CDON: variants seen among roughly 807,000 people sequenced by gnomAD.
CDON encodes the protein cell adhesion molecule-related/down-regulated by oncogenes.
Under a neutral mutation model 120.9 loss-of-function variants are expected in CDON, and 73 were observed. That is an observed-to-expected ratio of 0.60 (90% CI 0.50 to 0.73). CDON has a LOEUF of 0.73. Among genes scored for constraint, CDON ranks in the 30% least tolerant of loss-of-function variants. The probability of loss-of-function intolerance (pLI) is 0.00; values close to 1 mark genes in which losing one functional copy is unlikely to be tolerated. For missense variants in CDON, 1,470 were observed against 1,587.3 expected (o/e 0.93, Z 1.26); for synonymous variants, 566 against 573.5 (o/e 0.99, Z 0.19).
At chr11:126,043,898 T>C (rs1170176059) in intron 1 of CDON, among the ~76,000 whole-genome samples, 1 of 152,254 alleles carries the variant, frequency 6.6e-6, no homozygotes, top group Non-Finnish European at 1.5e-5. Context: ...TATGCATTGC[T>C]GATCAATAAA....
intron 1 of CDON, among the ~76,000 whole-genome samples, chr11:126,048,291 A>AAAAAAG (rs1302911166): frequency 1.3e-5 from 2 of 151,856 alleles, no homozygotes; most frequent in Non-Finnish European, 2.9e-5. Flanking sequence ...TCAAAAAAAA[A>AAAAAAG]AAAAAGAAAA....
intron 11 of CDON, among the ~76,000 whole-genome samples, chr11:125,999,519 T>C (rs1464620518): frequency 7.9e-5 from 12 of 152,362 alleles, no homozygotes; most frequent in Admixed American, 5.9e-4. Context: ...TTGTTTTGAA[T>C]ATTAAATAAA....
intron 1 of CDON, among the ~76,000 whole-genome samples, chr11:126,058,446 C>G (rs1351508047): frequency 6.6e-6 from 1 of 152,112 alleles, no homozygotes; most frequent in Admixed American, 6.5e-5. Flanking sequence ...AGGAGAAATG[C>G]CCAGGATTAA....
chr11:126,013,576 A>AT (rs1394498539), intron 7 of CDON, among the ~76,000 whole-genome samples: 3 of 152,008 alleles, frequency 2.0e-5, no homozygotes, highest in Non-Finnish European at 4.4e-5. Context: ...CTTTATTATA[A>AT]TTTTTTGTCA....
chr11:125,991,656 TA>T (rs754188695), intron 14 of CDON, among the ~76,000 whole-genome samples: 5,203 of 145,278 alleles, frequency 0.036, 94 homozygotes, highest in Middle Eastern at 0.05. Context: ...ATCTAAAACT[TA>T]AAAAAAAAAA....
At chr11:126,053,145 C>T (rs2134929451) in intron 1 of CDON, among the ~76,000 whole-genome samples, 1 of 152,240 alleles carries the variant, frequency 6.6e-6, no homozygotes, top group Non-Finnish European at 1.5e-5. Context: ...AGAAAACCTG[C>T]CATTTCCTTT....
chr11:126,028,840 T>C (rs1947873397), intron 1 of CDON, among the ~76,000 whole-genome samples: 1 of 151,908 alleles, frequency 6.6e-6, no homozygotes, highest in African/African-American at 2.4e-5. Flanking sequence ...TGTGTATATA[T>C]ATATATATGT....
At chr11:125,978,695 T>G (rs1946211007) in intron 17 of CDON, among the ~76,000 whole-genome samples, 1 of 152,220 alleles carries the variant, frequency 6.6e-6, no homozygotes, top group Non-Finnish European at 1.5e-5. Context: ...TCCCTTCAAA[T>G]CTAGTGGGCT....
chr11:126,018,357 G>T lies in CDON; in HGVS notation c.613C>A (p.Pro205Thr). 1.2e-6 allele frequency: 2 copies of T among 1,613,984 alleles called. No homozygotes were observed. The highest frequency in any genetic ancestry group is 1.7e-6 in the Non-Finnish European group (2 of 1,179,930). Reference sequence around the variant, plus strand: ...CTCACAAGGAGCTTTCGGCCAATAGGTTCAACTTTTAATTGATGTGTGACA... The same window carrying T: ...CTCACAAGGAGCTTTCGGCCAATAGTTTCAACTTTTAATTGATGTGTGACA... ...NPVTHQLKVE[P>T]IGRKLLVSRP... is the part of the protein sequence containing the mutation. Residue 205 changes from proline to threonine, a missense_variant, in exon 5 of 20, where the codon CCT (proline) becomes ACT (threonine). Pro to Thr is a conservative substitution (Grantham distance 38). Coordinates refer to ENST00000531738, the MANE Select transcript of CDON (RefSeq NM_001378964.1).
chr11:126,031,340 T>C (rs77501467), intron 1 of CDON, among the ~76,000 whole-genome samples: 13,483 of 152,260 alleles, frequency 0.089, 640 homozygotes, highest in Admixed American at 0.13. Context: ...ATAATGGCTC[T>C]TAGAAAGTTA....
intron 1 of CDON, among the ~76,000 whole-genome samples, chr11:126,027,500 A>ATG (rs1491353258): frequency 6.6e-6 from 1 of 152,202 alleles, no homozygotes; most frequent in African/African-American, 2.4e-5. Context: ...ATTTATTCAT[A>ATG]TGTGTGTGTA....
chr11:126,005,057 T>C (rs1947071219), intron 9 of CDON, among the ~76,000 whole-genome samples: 2 of 152,090 alleles, frequency 1.3e-5, no homozygotes, highest in Non-Finnish European at 2.9e-5. Context: ...TCCCAGCACT[T>C]TGGGAGGATT....
At chr11:126,040,402 CT>C (rs1363838143) in intron 1 of CDON, among the ~76,000 whole-genome samples, 1 of 152,158 alleles carries the variant, frequency 6.6e-6, no homozygotes, top group Non-Finnish European at 1.5e-5. Context: ...AATGAAAGAA[CT>C]TACACTGTGA....
intron 1 of CDON, among the ~76,000 whole-genome samples, chr11:126,062,039 T>C (rs541310008): frequency 2.9e-4 from 44 of 152,320 alleles, no homozygotes; most frequent in South Asian, 1.7e-3. Context: ...ATTTAGCAAA[T>C]GATAATGCAA....
At chr11:125,972,435 C>A (rs966708154) in intron 18 of CDON, among the ~76,000 whole-genome samples, 3 of 151,726 alleles carry the variant, frequency 2.0e-5, no homozygotes, top group Admixed American at 2.0e-4. Context: ...TCAAAAAAAA[C>A]AAAAGAAAAT....
intron 12 of CDON, among the ~76,000 whole-genome samples, chr11:125,995,486 G>A (rs946124900): frequency 2.6e-5 from 4 of 152,144 alleles, no homozygotes; most frequent in Non-Finnish European, 5.9e-5. Flanking sequence ...GGTTTAATAC[G>A]GTGAATACAC....
At chr11:126,052,847 T>A (rs968542418) in intron 1 of CDON, among the ~76,000 whole-genome samples, 2 of 151,722 alleles carry the variant, frequency 1.3e-5, no homozygotes, top group Non-Finnish European at 2.9e-5. Flanking sequence ...AATTAAAAAT[T>A]AAAAATATAC....
intron 1 of CDON, 128 bp downstream of exon 1, chr11:126,062,451 A>C (rs1306954959): frequency 6.6e-6 from 1 of 150,614 alleles, no homozygotes; most frequent in African/African-American, 2.5e-5. Flanking sequence ...CTGCACCCCC[A>C]CGCCCTCCAG....
rs1010799538 is a variant in CDON at position 126,012,079 on chromosome 11, G to A, written c.1199-1385C>T. The stretch of plus-strand genomic sequence containing the variant: ...ATATAATATTTTCTTAATTACTACA[G>A]ATATTTTAGATGTTTAAGGCAAGTC... On this transcript the variant is annotated intron_variant, in intron 7 of 19. Transcript: ENST00000531738. 9.9e-5 allele frequency among the ~76,000 whole-genome samples: 15 copies of A among 152,122 alleles called. 1 individual carries two copies. The highest frequency in any genetic ancestry group is 3.6e-4 in the African/African-American group (15 of 41,426).
Sources: gnomAD v4.1 joint callset for allele counts (sites outside exome capture counted in the v4.1 genomes callset) on GRCh38, gnomAD v4.1.1 for gene constraint, MANE v1.5 for transcripts, NCBI Gene and HGNC (gene_info 2026-07-23, HGNC 2026-07-21) for gene names.